The following SNX29 variants were observed in gnomAD, a reference collection of about 807,000 sequenced individuals.
SNX29 encodes the protein sorting nexin 29.
SNX29 carries 78 observed loss-of-function variants against 102.1 expected under a neutral mutation model. That is an observed-to-expected ratio of 0.76 (90% CI 0.64 to 0.92). SNX29 has a LOEUF of 0.92. Ranked by LOEUF, SNX29 falls within the 40% of genes least tolerant of loss-of-function variation. SNX29 has a pLI of 0.00. For missense variants in SNX29, 1,280 were observed against 1,061.7 expected (o/e 1.21, Z -2.86); for synonymous variants, 580 against 414.5 (o/e 1.40, Z -4.85).
intron 14 of SNX29, among the ~76,000 whole-genome samples, chr16:12,206,491 T>C (rs2077047392): frequency 3.3e-5 from 5 of 151,788 alleles, no homozygotes; most frequent in African/African-American, 1.2e-4. Context: ...ACGATGTCAC[T>C]GTTTGCAGAG....
intron 16 of SNX29, among the ~76,000 whole-genome samples, chr16:12,367,818 G>T (rs1395029294): frequency 6.6e-6 from 1 of 152,186 alleles, no homozygotes; most frequent in African/African-American, 2.4e-5. Flanking sequence ...CTGCCGTCTT[G>T]AAGGAGATTA....
intron 6 of SNX29, 79 bp downstream of exon 6, chr16:12,046,533 A>C: frequency 1.5e-6 from 2 of 1,375,364 alleles, no homozygotes; most frequent in Non-Finnish European, 1.0e-6. Context: ...CCACAGCGCC[A>C]TGGAGTGTTG....
chr16:12,242,205 G>T (rs568801842), intron 14 of SNX29, among the ~76,000 whole-genome samples: 143 of 152,112 alleles, frequency 9.4e-4, no homozygotes, highest in South Asian at 2.9e-3. Flanking sequence ...AATAATAATT[G>T]CTTGTGAGCG....
At chr16:12,402,736 C>T (rs531805030) in intron 17 of SNX29, among the ~76,000 whole-genome samples, 39 of 152,260 alleles carry the variant, frequency 2.6e-4, no homozygotes, top group African/African-American at 7.2e-4. Flanking sequence ...TGGAGCTGTG[C>T]GTGGTAGGTG....
At chr16:12,068,858 C>T (rs1203188848) in intron 9 of SNX29, among the ~76,000 whole-genome samples, 199 bp from the exon 10 acceptor site, 2 of 152,206 alleles carry the variant, frequency 1.3e-5, no homozygotes, top group Non-Finnish European at 2.9e-5. Flanking sequence ...TCTGCTTCTA[C>T]AGTGACTGAT....
chr16:12,244,368 G>C (rs2078200317), intron 14 of SNX29, among the ~76,000 whole-genome samples: 1 of 152,164 alleles, frequency 6.6e-6, no homozygotes, highest in Non-Finnish European at 1.5e-5. Flanking sequence ...CAGCACTTTG[G>C]GAAGCTGAGA....
intron 14 of SNX29, among the ~76,000 whole-genome samples, chr16:12,248,500 A>G (rs2078327404): frequency 6.6e-6 from 1 of 150,838 alleles, no homozygotes. Flanking sequence ...GGTTCAAGTG[A>G]TTCTCCTGCC....
chr16:12,465,664 A>G (rs1046335763), intron 18 of SNX29, among the ~76,000 whole-genome samples: 8 of 152,050 alleles, frequency 5.3e-5, no homozygotes, highest in African/African-American at 1.4e-4. Context: ...TTCTTTCTCA[A>G]TATTGCTTTG....
chr16:12,380,294 C>T (rs1285805222), intron 16 of SNX29, among the ~76,000 whole-genome samples: 1 of 149,030 alleles, frequency 6.7e-6, no homozygotes, highest in Non-Finnish European at 1.5e-5. Flanking sequence ...CATCTACCCC[C>T]CAACACCCAA....
intron 19 of SNX29, among the ~76,000 whole-genome samples, chr16:12,514,605 C>G (rs940542221): frequency 1.3e-5 from 2 of 152,072 alleles, no homozygotes; most frequent in Non-Finnish European, 2.9e-5. Context: ...TGGCTCATGC[C>G]TGTGATCCCA....
chr16:12,541,798 TCAGAGGGCAGGAA>T (rs2077354792), intron 20 of SNX29, among the ~76,000 whole-genome samples: 1 of 152,124 alleles, frequency 6.6e-6, no homozygotes, highest in Non-Finnish European at 1.5e-5. Flanking sequence ...ATGGAAAGGT[TCAGAGGGCAGGAA>T]CCAAGCTCGC....
intron 19 of SNX29, among the ~76,000 whole-genome samples, chr16:12,490,689 A>C (rs2151861381): frequency 6.6e-6 from 1 of 152,356 alleles, no homozygotes; most frequent in Middle Eastern, 3.4e-3. Context: ...AATACAAAGA[A>C]TAGGATACCA....
At chr16:12,407,877 G>A (rs1005099112) in intron 18 of SNX29, among the ~76,000 whole-genome samples, 6 of 152,196 alleles carry the variant, frequency 3.9e-5, no homozygotes, top group Non-Finnish European at 5.9e-5. Flanking sequence ...CAGCTCCAGA[G>A]GCTGAGATAG....
chr16:12,524,872 C>A lies in SNX29; in HGVS notation c.2318+31C>A, dbSNP rs763759172. ...TACTGCTCCCACGGACATGGGCCGCCAGCCCTGCCAGCATTTTTTTCTCGG... is the reference window on the plus strand; with the variant it reads ...TACTGCTCCCACGGACATGGGCCGCAAGCCCTGCCAGCATTTTTTTCTCGG... On this transcript the variant is annotated intron_variant, in intron 20 of 20. Transcript: ENST00000566228. 2.5e-6 allele frequency: 4 copies of A among 1,597,564 alleles called. No individual in the cohort carries two copies. The South Asian group carries it at 3.3e-5, about 13-fold the overall frequency.
intron 11 of SNX29, chr16:12,087,615 A>T (rs1229153868): frequency 2.8e-6 from 1 of 356,390 alleles, no homozygotes; most frequent in Non-Finnish European, 5.6e-6. Flanking sequence ...TAAGGTAATG[A>T]TTAGTACTCA....
At chr16:12,440,655 T>A (rs970322807) in intron 18 of SNX29, among the ~76,000 whole-genome samples, 12 of 130,016 alleles carry the variant, frequency 9.2e-5, no homozygotes, top group Non-Finnish European at 1.7e-4. Context: ...CGTGTTCTCA[T>A]CCTTTAGCTC....
chr16:12,123,532 T>G (rs1442561719), intron 11 of SNX29, among the ~76,000 whole-genome samples: 1 of 152,120 alleles, frequency 6.6e-6, no homozygotes, highest in African/African-American at 2.4e-5. Context: ...TACATATATA[T>G]CATATACATA....
intron 20 of SNX29, among the ~76,000 whole-genome samples, chr16:12,558,241 T>A (rs2078495262): frequency 2.0e-5 from 3 of 149,290 alleles, no homozygotes; most frequent in African/African-American, 7.5e-5. Context: ...GCCCCCCCAG[T>A]AGATGGTATC....
intron 15 of SNX29, among the ~76,000 whole-genome samples, chr16:12,331,351 G>A (rs976908788): frequency 6.6e-6 from 1 of 152,216 alleles, no homozygotes; most frequent in Non-Finnish European, 1.5e-5. Flanking sequence ...AGACACAGAA[G>A]CTGTCTAAAC....
Sources: gnomAD v4.1 joint callset for allele counts (sites outside exome capture counted in the v4.1 genomes callset) on GRCh38, gnomAD v4.1.1 for gene constraint, MANE v1.5 for transcripts, NCBI Gene and HGNC (gene_info 2026-07-23, HGNC 2026-07-21) for gene names.